The following SCN8A variants were observed in gnomAD, a reference collection of about 807,000 sequenced individuals.
The protein encoded by SCN8A is sodium voltage-gated channel alpha subunit 8, also known as sodium channel protein type 8 subunit alpha.
Under a neutral mutation model 184.1 loss-of-function variants are expected in SCN8A, and 30 were observed. The observed-to-expected ratio is 0.16, with a 90% CI of 0.12 to 0.22. SCN8A has a LOEUF of 0.22. Ranked by LOEUF, SCN8A falls within the 10% of genes least tolerant of loss-of-function variation. The pLI, the probability that SCN8A is intolerant of heterozygous loss-of-function variation, is 1.00. For missense variants in SCN8A, 1,057 were observed against 2,498.9 expected, an observed-to-expected ratio of 0.42 and a Z score of 12.30; for synonymous variants, 852 against 907.0, an observed-to-expected ratio of 0.94 and a Z score of 1.09.
chr12:51,670,767 G>T (rs1941116672), intron 2 of SCN8A, among the ~76,000 whole-genome samples: 1 of 152,092 alleles, frequency 6.6e-6, no homozygotes, highest in East Asian at 1.9e-4. Context: ...GGGATTGGAT[G>T]AATTCAATAT....
chr12:51,794,313 A>G (rs1376960733), intron 25 of SCN8A, 58 bp from the exon 26 acceptor site: 1 of 1,539,206 alleles, frequency 6.5e-7, no homozygotes, highest in African/African-American at 1.4e-5. Flanking sequence ...CAGCTTCCAT[A>G]GGTTGGCTTG....
intron 1 of SCN8A, among the ~76,000 whole-genome samples, chr12:51,658,910 AC>A (rs1940874683): frequency 6.6e-6 from 1 of 152,066 alleles, no homozygotes. Flanking sequence ...AACAACTGGA[AC>A]CCTCTTATAT....
In SCN8A at chr12:51,681,028, T is replaced by TA. The variant is rs1396506629; in HGVS notation, c.277-3140dup. 2.0e-5 allele frequency among the ~76,000 whole-genome samples: 3 copies of TA among 151,978 alleles called. No individual in the cohort carries two copies. In the East Asian group the frequency reaches 5.8e-4, roughly 29 times the overall value. ...TCAAAATAATAATAATAATAATAAA[T>TA]AAAAAATAAAAATCCTGTTGTCTGT... On this transcript the variant is annotated intron_variant, in intron 2 of 26. Transcript: ENST00000627620.
At chr12:51,788,373 G>A (rs904748698) in intron 22 of SCN8A, 5 of 154,832 alleles carry the variant, frequency 3.2e-5, no homozygotes, top group African/African-American at 1.3e-4. Flanking sequence ...AGCATTTTCA[G>A]TAGATTCCTG....
At chr12:51,656,074 T>C (rs1393927136) in intron 1 of SCN8A, among the ~76,000 whole-genome samples, 1 of 152,230 alleles carries the variant, frequency 6.6e-6, no homozygotes, top group Non-Finnish European at 1.5e-5. Context: ...TTTGTTACTG[T>C]GCAAGATGAC....
intron 25 of SCN8A, among the ~76,000 whole-genome samples, chr12:51,791,689 A>G (rs1198941509): frequency 6.6e-6 from 1 of 152,188 alleles, no homozygotes; most frequent in African/African-American, 2.4e-5. Flanking sequence ...AGCCTAGGCA[A>G]CATAATGAGA....
At chr12:51,739,700 A>G (rs1942386972) in intron 12 of SCN8A, among the ~76,000 whole-genome samples, 1 of 152,142 alleles carries the variant, frequency 6.6e-6, no homozygotes, top group African/African-American at 2.4e-5. Flanking sequence ...TTCTGTTCCA[A>G]GCATCGCTTC....
intron 1 of SCN8A, among the ~76,000 whole-genome samples, chr12:51,604,906 A>G (rs7957593): frequency 0.24 from 36,344 of 151,770 alleles, 5,829 homozygotes; most frequent in African/African-American, 0.44. Context: ...GATAGATTAC[A>G]TATCACTGGG....
intron 2 of SCN8A, among the ~76,000 whole-genome samples, chr12:51,683,876 C>T (rs939038680): frequency 3.6e-4 from 55 of 152,114 alleles, no homozygotes; most frequent in African/African-American, 1.1e-3. Context: ...ACTTCAGTAT[C>T]GTGTACAGAG....
chr12:51,639,879 C>CTT lies in SCN8A; in HGVS notation c.-54-22848_-54-22847dup, dbSNP rs71092712. Among the ~76,000 whole-genome samples the CTT allele has an allele frequency of 6.8e-3, 102 of 15,066 alleles. 45 individuals carry two copies. The highest frequency in any genetic ancestry group is 9.2e-3 in the Admixed American group (6 of 650). 9.9% of individuals were successfully genotyped at this position (15,066 alleles called of 152,430 possible). A position where few individuals can be genotyped will look rare whatever the true frequency, so the allele number is the denominator to read the frequency against. On this transcript the variant is annotated intron_variant, in intron 1 of 26. Coordinates refer to ENST00000627620, the MANE Select transcript of SCN8A (RefSeq NM_001330260.2). ...AGTATTTTTTGAATTAAGGTATATGCTTTTTTTTTTTTTTTTTTTTTTTTT... is the reference window on the plus strand; with the variant it reads ...AGTATTTTTTGAATTAAGGTATATGCTTTTTTTTTTTTTTTTTTTTTTTTTTT...
intron 14 of SCN8A, among the ~76,000 whole-genome samples, chr12:51,753,505 C>T (rs904150160): frequency 2.0e-5 from 3 of 152,300 alleles, no homozygotes; most frequent in African/African-American, 7.2e-5. Flanking sequence ...AAGTTGGGTA[C>T]GTGCTGGACC....
chr12:51,700,760 C>G (rs1941673906), intron 7 of SCN8A, among the ~76,000 whole-genome samples: 1 of 152,076 alleles, frequency 6.6e-6, no homozygotes, highest in Non-Finnish European at 1.5e-5. Context: ...GACCAATGAG[C>G]TCTAAAATAT....
chr12:51,681,953 TA>T (rs879887639), intron 2 of SCN8A, among the ~76,000 whole-genome samples: 368 of 144,278 alleles, frequency 2.6e-3, no homozygotes, highest in Middle Eastern at 3.6e-3. Context: ...GGATGGAGGT[TA>T]AAAAAAAAAA....
chr12:51,721,938 C>G (rs1196342490), intron 12 of SCN8A, 30 bp downstream of exon 12: 7 of 1,599,468 alleles, frequency 4.4e-6, no homozygotes, highest in Non-Finnish European at 5.1e-6. Flanking sequence ...CTACCGATGA[C>G]AGTGTAAGGA....
intron 14 of SCN8A, among the ~76,000 whole-genome samples, chr12:51,760,152 A>G (rs1942740991): frequency 6.6e-6 from 1 of 152,194 alleles, no homozygotes; most frequent in Admixed American, 6.5e-5. Context: ...CATAGCAGAC[A>G]CTTATATATA....
intron 1 of SCN8A, among the ~76,000 whole-genome samples, chr12:51,600,752 A>G (rs1939446287): frequency 6.6e-6 from 1 of 152,246 alleles, no homozygotes; most frequent in Non-Finnish European, 1.5e-5. Flanking sequence ...GAACATGGAC[A>G]TCAAAATAAT....
At position 51,681,167 on chromosome 12, in the gene SCN8A, C is replaced by T. The variant is rs564348088; in HGVS notation, c.277-3007C>T. Among the ~76,000 whole-genome samples the T allele has an allele frequency of 2.5e-4, 38 of 152,250 alleles. No homozygotes were observed. The South Asian group carries it at 6.2e-3, about 25-fold the overall frequency. On this transcript the variant is annotated intron_variant, in intron 2 of 26. Coordinates refer to ENST00000627620, the MANE Select transcript of SCN8A (RefSeq NM_001330260.2). ...TGTTGCTTAGCTGCCCTATCTACCC[C>T]GGGGACTCAAATTTCTCATTCACCA...
chr12:51,618,458 AACACACACACAC>A (rs56163627), intron 1 of SCN8A, among the ~76,000 whole-genome samples: 47,602 of 138,744 alleles, frequency 0.34, 9,036 homozygotes, highest in Non-Finnish European at 0.44. Flanking sequence ...ATACCAGAGC[AACACACACACAC>A]ACACACACAC....
At position 51,789,262 on chromosome 12, in the gene SCN8A, T is replaced by C. The variant is rs756620985; in HGVS notation, c.4282-19T>C. 6.2e-7 allele frequency: 1 copy of C among 1,613,606 alleles called. No individual in the cohort carries two copies. Among genetic ancestry groups the C allele is most frequent in the Non-Finnish European group, 8.5e-7 (1 of 1,179,718 alleles). ...AAACTAGGAGCTGATTCTCTTCCTT[T>C]TATCCTGTCCTTTGACAGCCTGATG... On this transcript the variant is annotated intron_variant, in intron 23 of 26. Coordinates refer to ENST00000627620, the MANE Select transcript of SCN8A (RefSeq NM_001330260.2).
Sources: gnomAD v4.1 joint callset for allele counts (sites outside exome capture counted in the v4.1 genomes callset) on GRCh38, gnomAD v4.1.1 for gene constraint, MANE v1.5 for transcripts, NCBI Gene and HGNC (gene_info 2026-07-23, HGNC 2026-07-21) for gene names.